The following ATP10A variants were observed in gnomAD, a reference collection of about 807,000 sequenced individuals.
ATP10A encodes ATPase phospholipid transporting 10A (putative).
Under a neutral mutation model 147.8 loss-of-function variants are expected in ATP10A, and 111 were observed. That is an observed-to-expected ratio of 0.75 (90% CI 0.64 to 0.88). ATP10A has a LOEUF of 0.88. Among genes scored for constraint, ATP10A ranks in the 40% least tolerant of loss-of-function variants. The pLI is 0.00. For synonymous variants in ATP10A, 875 were observed against 841.6 expected, an observed-to-expected ratio of 1.04 and a Z score of -0.69; for missense variants, 1,927 against 1,959.0, an observed-to-expected ratio of 0.98 and a Z score of 0.31.
chr15:25,685,059 T>C (rs1476164876), intron 16 of ATP10A, among the ~76,000 whole-genome samples: 1 of 152,174 alleles, frequency 6.6e-6, no homozygotes, highest in Non-Finnish European at 1.5e-5. Flanking sequence ...GAGTCATCGG[T>C]AGCAAATACA....
chr15:25,710,712 CAT>C (rs1901356072), intron 10 of ATP10A: 1 of 152,160 alleles, frequency 6.6e-6, no homozygotes, highest in South Asian at 2.1e-4. Flanking sequence ...ATGCAAAAAA[CAT>C]ATACTGATTA....
chr15:25,845,613 A>G (rs1892990890), intron 1 of ATP10A, among the ~76,000 whole-genome samples: 1 of 152,132 alleles, frequency 6.6e-6, no homozygotes. Context: ...CTCCCTGGCC[A>G]AAGGACTACA....
intron 2 of ATP10A, among the ~76,000 whole-genome samples, chr15:25,762,850 G>A (rs944081289): frequency 2.6e-5 from 4 of 152,224 alleles, no homozygotes; most frequent in African/African-American, 9.7e-5. Context: ...AAAACTTTGG[G>A]ATTACAGGCA....
At chr15:25,713,327 T>C (rs1185067106) in intron 10 of ATP10A, among the ~76,000 whole-genome samples, 2 of 152,198 alleles carry the variant, frequency 1.3e-5, no homozygotes, top group African/African-American at 2.4e-5. Flanking sequence ...CCTGGATCTC[T>C]CTGCTGCACC....
chr15:25,676,136 C>T (rs1228098588), downstream of ATP10A, among the ~76,000 whole-genome samples: 1 of 152,194 alleles, frequency 6.6e-6, no homozygotes, highest in Non-Finnish European at 1.5e-5. Context: ...TTCATGCCTT[C>T]GAGGTAACAG....
intron 10 of ATP10A, 133 bp downstream of exon 10, chr15:25,713,541 A>C: frequency 2.1e-6 from 2 of 968,730 alleles, no homozygotes; most frequent in Non-Finnish European, 3.1e-6. Context: ...GAAACCATGC[A>C]ATTCTCCAAT....
intron 10 of ATP10A, among the ~76,000 whole-genome samples, chr15:25,711,335 C>A (rs1427501279): frequency 6.6e-6 from 1 of 152,126 alleles, no homozygotes; most frequent in Non-Finnish European, 1.5e-5. Flanking sequence ...TTGATTTACA[C>A]AGGCAGAGCG....
intron 1 of ATP10A, among the ~76,000 whole-genome samples, chr15:25,849,817 T>C (rs903004137): frequency 6.6e-6 from 1 of 151,464 alleles, no homozygotes; most frequent in African/African-American, 2.4e-5. Context: ...AAACTTTCCA[T>C]CCTGCTTAAA....
intron 1 of ATP10A, among the ~76,000 whole-genome samples, chr15:25,810,493 C>G (rs1171811014): frequency 1.3e-5 from 2 of 152,196 alleles, no homozygotes; most frequent in Non-Finnish European, 2.9e-5. Context: ...CCAAGTGTAG[C>G]AGTGCCACTG....
At chr15:25,754,663 T>C (rs1888325145) in intron 2 of ATP10A, among the ~76,000 whole-genome samples, 1 of 152,128 alleles carries the variant, frequency 6.6e-6, no homozygotes, top group Non-Finnish European at 1.5e-5. Context: ...ATATCCGACA[T>C]AAAAATTGGA....
intron 2 of ATP10A, among the ~76,000 whole-genome samples, chr15:25,771,235 G>T (rs1484612401): frequency 6.6e-6 from 1 of 151,970 alleles, no homozygotes; most frequent in Non-Finnish European, 1.5e-5. Flanking sequence ...CACTCATGAG[G>T]ACATTGTTTG....
intron 1 of ATP10A, among the ~76,000 whole-genome samples, chr15:25,784,086 T>C (rs1890050051): frequency 1.3e-5 from 2 of 152,240 alleles, no homozygotes; most frequent in Admixed American, 6.5e-5. Context: ...CTTGACTTCA[T>C]GTCATTACAA....
chr15:25,762,059 T>C (rs900226737), intron 2 of ATP10A, among the ~76,000 whole-genome samples: 1 of 151,938 alleles, frequency 6.6e-6, no homozygotes, highest in African/African-American at 2.4e-5. Flanking sequence ...GACTCAGGGG[T>C]CGGTTCCCCC....
chr15:25,694,440 G>C (rs1023161690), intron 14 of ATP10A, among the ~76,000 whole-genome samples: 1 of 152,212 alleles, frequency 6.6e-6, no homozygotes. Flanking sequence ...ACCAGAAGCA[G>C]CTGCAAAGGA....
At chr15:25,733,970 CAA>C (rs1010591090) in intron 3 of ATP10A, among the ~76,000 whole-genome samples, 1 of 152,214 alleles carries the variant, frequency 6.6e-6, no homozygotes. Flanking sequence ...GACACCCACT[CAA>C]GAGGCATCTT....
rs531182634 is a variant in ATP10A, at chr15:25,700,934, A to C, written c.2760+982T>G. 3.4e-4 allele frequency among the ~76,000 whole-genome samples: 51 copies of C among 152,166 alleles called. 1 individual carries two copies. The East Asian group carries it at 8.1e-3, about 24-fold the overall frequency. On this transcript the variant is annotated intron_variant, in intron 13 of 20. Transcript: ENST00000555815. Reference sequence around the variant, plus strand: ...TCTTGGAGAAAGAGGTCACTTAAAAAAAAAAAAGGCCCTGGTGAAGGCACA... The same window carrying C: ...TCTTGGAGAAAGAGGTCACTTAAAACAAAAAAAGGCCCTGGTGAAGGCACA...
At chr15:25,719,405 T>C (rs1902064277) in intron 7 of ATP10A, among the ~76,000 whole-genome samples, 2 of 152,174 alleles carry the variant, frequency 1.3e-5, no homozygotes, top group Admixed American at 6.5e-5. Context: ...GAGATCCTAA[T>C]TCCAGGAGCA....
intron 12 of ATP10A, among the ~76,000 whole-genome samples, chr15:25,707,494 T>C (rs939713689): frequency 3.3e-5 from 5 of 152,224 alleles, no homozygotes; most frequent in African/African-American, 9.6e-5. Context: ...TTATCACTAA[T>C]ACTAGTTAGC....
chr15:25,841,518 T>C (rs1283341668), intron 1 of ATP10A: 1 of 151,658 alleles, frequency 6.6e-6, no homozygotes, highest in East Asian at 1.9e-4. Context: ...ATTATTCTTT[T>C]TGAGAAATCT....
Sources: allele counts gnomAD v4.1 joint callset (sites outside exome capture counted in the v4.1 genomes callset), GRCh38; gene constraint gnomAD v4.1.1; transcripts MANE v1.5; gene names NCBI Gene and HGNC (gene_info 2026-07-23, HGNC 2026-07-21).